The following GNB4 variants were observed in gnomAD, a reference collection of about 807,000 sequenced individuals.
GNB4 encodes guanine nucleotide-binding protein subunit beta-4.
A neutral mutation model predicts 45.2 loss-of-function variants in GNB4; 28 were observed. That is an observed-to-expected ratio of 0.62 (90% confidence interval 0.46 to 0.85). GNB4 has a LOEUF of 0.85. Ranked by LOEUF, GNB4 falls within the 40% of genes least tolerant of loss-of-function variation. The pLI is 0.00. For synonymous variants in GNB4, 132 were observed against 143.7 expected, an observed-to-expected ratio of 0.92 and a Z score of 0.58; for missense variants, 321 against 425.4, an observed-to-expected ratio of 0.75 and a Z score of 2.16.
the GNB4 span, among the ~76,000 whole-genome samples, chr3:179,470,113 G>A: frequency 1.3e-5 from 2 of 152,152 alleles, no homozygotes; most frequent in African/African-American, 4.8e-5. Flanking sequence ...AATACAATTA[G>A]GTACATGCAA....
chr3:179,413,225 G>T (rs1047343842), intron 8 of GNB4, among the ~76,000 whole-genome samples, 187 bp downstream of exon 8: 2 of 151,934 alleles, frequency 1.3e-5, no homozygotes, highest in Non-Finnish European at 2.9e-5. Context: ...TAACAAAAAA[G>T]ATCTAGGACT....
chr3:179,440,389 TAAATG>T (rs1193297242), intron 1 of GNB4, among the ~76,000 whole-genome samples: 1 of 152,210 alleles, frequency 6.6e-6, no homozygotes, highest in Non-Finnish European at 1.5e-5. Flanking sequence ...AATTAAGACT[TAAATG>T]AATTAATCTT....
intron 8 of GNB4, among the ~76,000 whole-genome samples, chr3:179,406,709 T>G (rs1179081286): frequency 6.6e-6 from 1 of 152,076 alleles, no homozygotes; most frequent in East Asian, 1.9e-4. Context: ...GCCTCCTGGG[T>G]TCAAGTGCTT....
At chr3:179,433,246 T>G (rs1334160025) in intron 1 of GNB4, among the ~76,000 whole-genome samples, 1 of 151,660 alleles carries the variant, frequency 6.6e-6, no homozygotes, top group African/African-American at 2.4e-5. Context: ...CAAACAGGCA[T>G]CAAGCATGCT....
chr3:179,416,369 T>A (rs1271814591), intron 5 of GNB4, 124 bp downstream of exon 5: 1 of 628,776 alleles, frequency 1.6e-6, no homozygotes, highest in Non-Finnish European at 2.8e-6. Context: ...AAGAACTAGA[T>A]TAAAATAAAC....
At chr3:179,476,420 G>T in the GNB4 span, among the ~76,000 whole-genome samples, 1 of 152,176 alleles carries the variant, frequency 6.6e-6, no homozygotes, top group Non-Finnish European at 1.5e-5. Context: ...GCTCTCTAGT[G>T]TTGGAGTCTT....
At chr3:179,501,625 C>T in the GNB4 span, among the ~76,000 whole-genome samples, 1 of 152,020 alleles carries the variant, frequency 6.6e-6, no homozygotes, top group African/African-American at 2.4e-5. Flanking sequence ...ATGTCTGGTC[C>T]CAATTGCCTA....
At chr3:179,441,837 C>T (rs1202536218) in intron 1 of GNB4, among the ~76,000 whole-genome samples, 1 of 151,910 alleles carries the variant, frequency 6.6e-6, no homozygotes. Context: ...CGGAGTTTCA[C>T]TCTTGTTGCC....
the GNB4 span, among the ~76,000 whole-genome samples, chr3:179,512,197 G>A: frequency 5.9e-5 from 9 of 152,142 alleles, no homozygotes; most frequent in Non-Finnish European, 1.3e-4. Context: ...TCAAAGTGAG[G>A]TTGCTGTTCT....
At chr3:179,428,686 T>C (rs1043876560) in intron 1 of GNB4, among the ~76,000 whole-genome samples, 12 of 152,194 alleles carry the variant, frequency 7.9e-5, no homozygotes, top group African/African-American at 2.7e-4. Context: ...ATTACTATTA[T>C]GGTTATTATT....
the GNB4 span, among the ~76,000 whole-genome samples, chr3:179,481,709 TAATA>T: frequency 2.6e-5 from 4 of 152,164 alleles, no homozygotes; most frequent in Non-Finnish European, 5.9e-5. Flanking sequence ...ATGATTTAAT[TAATA>T]AATTGATGCA....
At chr3:179,436,406 GAAATA>G (rs888779536) in intron 1 of GNB4, among the ~76,000 whole-genome samples, 57 of 152,010 alleles carry the variant, frequency 3.7e-4, no homozygotes, top group African/African-American at 1.2e-3. Context: ...AAAATAAAAT[GAAATA>G]AAATAAAATA....
At chr3:179,472,313 A>T in the GNB4 span, among the ~76,000 whole-genome samples, 1 of 151,606 alleles carries the variant, frequency 6.6e-6, no homozygotes, top group Non-Finnish European at 1.5e-5. Context: ...TTTTCTTATA[A>T]TTAACACATA....
the GNB4 span, among the ~76,000 whole-genome samples, chr3:179,476,935 A>C: frequency 1.3e-5 from 2 of 152,020 alleles, no homozygotes; most frequent in African/African-American, 4.8e-5. Context: ...TTGCACCTTA[A>C]GTCTTTTCTA....
intron 1 of GNB4, among the ~76,000 whole-genome samples, chr3:179,436,050 TCATGA>T (rs1715438597): frequency 1.3e-5 from 2 of 152,188 alleles, no homozygotes; most frequent in Admixed American, 6.5e-5. Flanking sequence ...TTCATACCAA[TCATGA>T]AAGCTCATAT....
rs143138660 is a variant in GNB4, at chr3:179,402,774, T to C, written c.917-1455A>G. On this transcript the variant is annotated intron_variant, in intron 9 of 9. Coordinates refer to ENST00000232564, the MANE Select transcript of GNB4 (RefSeq NM_021629.4). ...TAGAACCAGGTATCTCTGGAACAGG[T>C]AGGGGCAAAGGCAGAGTAAAATAAG... Among the ~76,000 whole-genome samples the C allele has an allele frequency of 4.0e-3, 615 of 152,244 alleles. 1 individual carries two copies. Among genetic ancestry groups the C allele is most frequent in the Middle Eastern group, 0.014 (4 of 294 alleles).
the GNB4 span, among the ~76,000 whole-genome samples, chr3:179,489,632 C>T: frequency 6.6e-6 from 1 of 151,922 alleles, no homozygotes; most frequent in Non-Finnish European, 1.5e-5. Flanking sequence ...CAAAGTGAGA[C>T]CCTATCTCTA....
At chr3:179,508,218 C>A in the GNB4 span, among the ~76,000 whole-genome samples, 7 of 152,138 alleles carry the variant, frequency 4.6e-5, no homozygotes, top group Non-Finnish European at 7.4e-5. Flanking sequence ...AACTGCTGGC[C>A]TCAAGCAATT....
intron 1 of GNB4, among the ~76,000 whole-genome samples, chr3:179,427,158 T>A (rs1715171996): frequency 6.6e-6 from 1 of 151,976 alleles, no homozygotes; most frequent in African/African-American, 2.4e-5. Context: ...CTTGCTCCCT[T>A]ACTAAATCTG....
Sources: gnomAD v4.1 joint callset for allele counts (sites outside exome capture counted in the v4.1 genomes callset) on GRCh38, gnomAD v4.1.1 for gene constraint, MANE v1.5 for transcripts, NCBI Gene and HGNC (gene_info 2026-07-23, HGNC 2026-07-21) for gene names.